Variants in LUZP2 observed in about 807,000 individuals in gnomAD.
The protein encoded by LUZP2 is leucine zipper protein 2.
In LUZP2, 52 loss-of-function variants were observed where a neutral mutation model predicts 51.6. The ratio of observed to expected loss-of-function variants is 1.01; its 90% CI spans 0.81 to 1.27. LUZP2 has a LOEUF of 1.27. Among genes scored for constraint, LUZP2 ranks in the 50% most tolerant of loss-of-function variants. LUZP2 has a pLI of 0.00. For missense variants in LUZP2, 436 were observed against 395.4 expected (o/e 1.10, Z -0.87); for synonymous variants, 154 against 137.3 (o/e 1.12, Z -0.85).
rs1859795433 is a variant in LUZP2 at position 24,756,882 on chromosome 11, A to G, written c.334-6364A>G. Reference sequence around the variant, plus strand: ...TCATGGCCTATAGAACTTCTGACCCACCAGTTTCAAGCTGAGGTTCCCATA... The same window carrying G: ...TCATGGCCTATAGAACTTCTGACCCGCCAGTTTCAAGCTGAGGTTCCCATA... On this transcript the variant is annotated intron_variant, in intron 4 of 11. Coordinates refer to ENST00000336930, the MANE Select transcript of LUZP2 (RefSeq NM_001009909.4). Among the ~76,000 whole-genome samples the G allele has an allele frequency of 4.6e-5, 7 of 152,176 alleles. No individual in the cohort carries two copies. In the South Asian group the frequency reaches 1.4e-3, roughly 31 times the overall value.
At chr11:24,507,782 A>G (rs1444878977) in intron 1 of LUZP2, among the ~76,000 whole-genome samples, 1 of 152,052 alleles carries the variant, frequency 6.6e-6, no homozygotes, top group African/African-American at 2.4e-5. Flanking sequence ...TTTACGTGGT[A>G]AAAATTAAAG....
chr11:25,015,439 T>C (rs1857121687), intron 9 of LUZP2, among the ~76,000 whole-genome samples: 1 of 152,222 alleles, frequency 6.6e-6, no homozygotes, highest in Non-Finnish European at 1.5e-5. Flanking sequence ...CCTTTTCCTA[T>C]TTTAGGATCT....
At chr11:24,976,401 A>G (rs536213534) in intron 7 of LUZP2, among the ~76,000 whole-genome samples, 190 bp from the exon 8 acceptor site, 5 of 151,886 alleles carry the variant, frequency 3.3e-5, no homozygotes, top group African/African-American at 7.2e-5. Context: ...TGCATATTAA[A>G]TATTCTGCAC....
chr11:25,039,064 C>T (rs564113934), intron 9 of LUZP2, among the ~76,000 whole-genome samples: 33 of 152,306 alleles, frequency 2.2e-4, no homozygotes, highest in African/African-American at 7.7e-4. Context: ...GGTAACCCCC[C>T]TCACCAGGTC....
intron 5 of LUZP2, among the ~76,000 whole-genome samples, chr11:24,889,288 C>T (rs529310933): frequency 6.6e-6 from 1 of 152,230 alleles, no homozygotes; most frequent in East Asian, 1.9e-4. Flanking sequence ...TGACATCAAG[C>T]ATGTACTGGA....
At chr11:24,759,309 T>C (rs1283433032) in intron 4 of LUZP2, among the ~76,000 whole-genome samples, 1 of 152,160 alleles carries the variant, frequency 6.6e-6, no homozygotes, top group African/African-American at 2.4e-5. Context: ...TACAATGTAT[T>C]TTCTGTTTCT....
At position 25,078,539 on chromosome 11, in the gene LUZP2, T is replaced by C. The variant is rs1350011706; in HGVS notation, c.937-15T>C. ...TTTTGATTCTTCGAATTGTCTTTTC[T>C]GTATTGTTTAACAGAAATTGCAAAT... is the stretch of plus-strand genomic sequence containing the variant. On this transcript the variant is annotated splice_polypyrimidine_tract_variant and intron_variant, in intron 11 of 11. Transcript: ENST00000336930. 3 of 1,593,774 alleles carry C rather than the reference T, an allele frequency of 1.9e-6. No homozygotes were observed. The highest frequency in any genetic ancestry group is 2.2e-5 in the East Asian group (1 of 44,722).
intron 1 of LUZP2, among the ~76,000 whole-genome samples, chr11:24,727,407 A>G (rs1442895600): frequency 6.6e-6 from 1 of 152,040 alleles, no homozygotes; most frequent in Non-Finnish European, 1.5e-5. Context: ...TGCCTATAAA[A>G]TAGGTACGGA....
intron 1 of LUZP2, among the ~76,000 whole-genome samples, chr11:24,649,879 G>C (rs1185065914): frequency 6.6e-6 from 1 of 151,676 alleles, no homozygotes; most frequent in Non-Finnish European, 1.5e-5. Context: ...TCAGAATTAA[G>C]TTCATTTATT....
At chr11:24,723,121 A>G (rs913939100) in intron 1 of LUZP2, among the ~76,000 whole-genome samples, 1 of 152,150 alleles carries the variant, frequency 6.6e-6, no homozygotes, top group African/African-American at 2.4e-5. Flanking sequence ...CACCTTTAGT[A>G]ACATCCTCCC....
intron 7 of LUZP2, among the ~76,000 whole-genome samples, chr11:24,971,205 A>T (rs555436713): frequency 6.6e-6 from 1 of 152,106 alleles, no homozygotes; most frequent in Non-Finnish European, 1.5e-5. Context: ...CCATTTTTCC[A>T]CGTACCTGAG....
chr11:25,039,597 A>G (rs1463348227), intron 9 of LUZP2, among the ~76,000 whole-genome samples: 1 of 152,134 alleles, frequency 6.6e-6, no homozygotes, highest in Admixed American at 6.6e-5. Context: ...TGTGTGCTGC[A>G]GCTCCATCTC....
intron 1 of LUZP2, among the ~76,000 whole-genome samples, chr11:24,715,805 GTTTGCATATATT>G (rs1163415232): frequency 6.6e-6 from 1 of 151,962 alleles, no homozygotes; most frequent in African/African-American, 2.4e-5. Flanking sequence ...CATTGTTAAT[GTTTGCATATATT>G]TTTTCAAAGA....
intron 8 of LUZP2, among the ~76,000 whole-genome samples, chr11:24,982,678 T>G (rs1856071856): frequency 6.6e-6 from 1 of 151,706 alleles, no homozygotes; most frequent in African/African-American, 2.4e-5. Flanking sequence ...GCTGAGGACC[T>G]GGGAGATGAA....
At chr11:24,546,042 A>G (rs1473602383) in intron 1 of LUZP2, among the ~76,000 whole-genome samples, 1 of 151,912 alleles carries the variant, frequency 6.6e-6, no homozygotes, top group African/African-American at 2.4e-5. Context: ...CTTTTTTAGC[A>G]ATTGTGAAAT....
intron 1 of LUZP2, among the ~76,000 whole-genome samples, chr11:24,609,075 C>G (rs2133883266): frequency 6.6e-6 from 1 of 152,222 alleles, no homozygotes; most frequent in South Asian, 2.1e-4. Context: ...ACATTCTACC[C>G]AGCCTGGACT....
chr11:25,003,346 C>G (rs931977584), intron 9 of LUZP2, among the ~76,000 whole-genome samples: 2 of 152,116 alleles, frequency 1.3e-5, no homozygotes, highest in African/African-American at 2.4e-5. Context: ...TCCTCAAAGG[C>G]AAAGAGAAAC....
chr11:25,049,632 C>T (rs974684285), intron 9 of LUZP2, among the ~76,000 whole-genome samples: 2 of 151,842 alleles, frequency 1.3e-5, no homozygotes, highest in African/African-American at 2.4e-5. Context: ...TTCTTTCTAT[C>T]GAGAAAATCA....
At chr11:24,916,623 T>C (rs1226905649) in intron 7 of LUZP2, among the ~76,000 whole-genome samples, 3 of 152,106 alleles carry the variant, frequency 2.0e-5, no homozygotes, top group South Asian at 2.1e-4. Flanking sequence ...CTGAGAATGA[T>C]AGTTTCCAGC....
Sources: gnomAD v4.1 joint callset for allele counts (sites outside exome capture counted in the v4.1 genomes callset) on GRCh38, gnomAD v4.1.1 for gene constraint, MANE v1.5 for transcripts, NCBI Gene and HGNC (gene_info 2026-07-23, HGNC 2026-07-21) for gene names.